The following SCFD2 variants were observed in gnomAD, a reference collection of about 807,000 sequenced individuals.
SCFD2 encodes sec1 family domain-containing protein 2.
In SCFD2, 54 loss-of-function variants were observed where a neutral mutation model predicts 58.9. That is an observed-to-expected ratio of 0.92 (90% confidence interval 0.74 to 1.15). The LOEUF (loss-of-function observed/expected upper bound fraction) is 1.15. Among genes scored for constraint, SCFD2 ranks in the 50% most tolerant of loss-of-function variants. The pLI is 0.00. For synonymous variants in SCFD2, 321 were observed against 335.9 expected (o/e 0.96, Z 0.49); for missense variants, 805 against 836.6 (o/e 0.96, Z 0.47).
intron 5 of SCFD2, among the ~76,000 whole-genome samples, chr4:53,052,243 G>A (rs1208855906): frequency 6.6e-6 from 1 of 152,080 alleles, no homozygotes; most frequent in Non-Finnish European, 1.5e-5. Context: ...TTTAGTGTCT[G>A]GAACTTTGAG....
At chr4:53,078,070 A>C (rs967912212) in intron 5 of SCFD2, among the ~76,000 whole-genome samples, 1 of 152,186 alleles carries the variant, frequency 6.6e-6, no homozygotes, top group Non-Finnish European at 1.5e-5. Context: ...CTCTGGCATG[A>C]TCAACAGGAA....
At chr4:53,262,377 A>G (rs35839788) in intron 4 of SCFD2, among the ~76,000 whole-genome samples, 4,179 of 152,136 alleles carry the variant, frequency 0.027, 94 homozygotes, top group Non-Finnish European at 0.045. Flanking sequence ...AGGAGGTTCT[A>G]TTTTGGTGTA....
At chr4:53,141,360 A>G (rs572204373) in intron 5 of SCFD2, among the ~76,000 whole-genome samples, 1 of 152,350 alleles carries the variant, frequency 6.6e-6, no homozygotes, top group Non-Finnish European at 1.5e-5. Context: ...ACCCAGCTTT[A>G]CGTAACTGCA....
intron 5 of SCFD2, among the ~76,000 whole-genome samples, chr4:52,947,495 T>C (rs1720462679): frequency 6.6e-6 from 1 of 152,164 alleles, no homozygotes; most frequent in African/African-American, 2.4e-5. Flanking sequence ...TGGTTAAGAA[T>C]AACCATGAAA....
chr4:52,966,182 G>A (rs747071624), intron 5 of SCFD2, among the ~76,000 whole-genome samples: 1 of 152,166 alleles, frequency 6.6e-6, no homozygotes, highest in East Asian at 1.9e-4. Context: ...CTTTTTGTTC[G>A]TAAATGCCAG....
intron 4 of SCFD2, among the ~76,000 whole-genome samples, chr4:53,166,870 T>A (rs1054305947): frequency 1.3e-5 from 2 of 151,794 alleles, no homozygotes; most frequent in Non-Finnish European, 2.9e-5. Flanking sequence ...ACTGAATTCT[T>A]TGTAATCTAG....
intron 4 of SCFD2, among the ~76,000 whole-genome samples, chr4:53,167,620 C>A (rs1476897085): frequency 6.6e-6 from 1 of 152,148 alleles, no homozygotes. Context: ...TATAATCCAA[C>A]AAGTGAATCA....
intron 5 of SCFD2, among the ~76,000 whole-genome samples, chr4:53,083,342 C>A (rs1484250662): frequency 6.6e-6 from 1 of 151,928 alleles, no homozygotes; most frequent in Non-Finnish European, 1.5e-5. Flanking sequence ...AAATGAGAAA[C>A]ATCTTATTAA....
intron 4 of SCFD2, among the ~76,000 whole-genome samples, chr4:53,240,961 G>A (rs1300973666): frequency 4.6e-5 from 7 of 152,234 alleles, no homozygotes; most frequent in Non-Finnish European, 1.0e-4. Context: ...CACACTTCTA[G>A]CAGATCTTCA....
intron 7 of SCFD2, among the ~76,000 whole-genome samples, chr4:52,900,173 T>G (rs1309903322): frequency 6.6e-6 from 1 of 152,168 alleles, no homozygotes; most frequent in Non-Finnish European, 1.5e-5. Flanking sequence ...CTCCGTCCAG[T>G]TTTGTTCCGT....
intron 4 of SCFD2, among the ~76,000 whole-genome samples, chr4:53,157,379 G>A (rs1489075465): frequency 6.6e-6 from 1 of 152,172 alleles, no homozygotes; most frequent in African/African-American, 2.4e-5. Flanking sequence ...ATCACTACTT[G>A]TAGAGTTTAG....
intron 4 of SCFD2, among the ~76,000 whole-genome samples, chr4:53,207,824 C>A (rs1728483060): frequency 1.3e-5 from 2 of 150,910 alleles, no homozygotes; most frequent in South Asian, 4.2e-4. Flanking sequence ...CCTCTGCCTT[C>A]CACCATGATT....
intron 4 of SCFD2, among the ~76,000 whole-genome samples, chr4:53,252,689 A>G (rs1442687155): frequency 6.6e-6 from 1 of 152,196 alleles, no homozygotes. Flanking sequence ...CATATGTAGA[A>G]AGCTGAAACT....
chr4:53,163,159 C>T (rs1231529633), intron 4 of SCFD2, among the ~76,000 whole-genome samples: 3 of 152,170 alleles, frequency 2.0e-5, no homozygotes, highest in African/African-American at 7.2e-5. Flanking sequence ...AGAAGCTCTG[C>T]AGGTTAGACC....
intron 5 of SCFD2, among the ~76,000 whole-genome samples, chr4:53,142,256 A>T (rs1410895338): frequency 1.3e-5 from 2 of 152,226 alleles, no homozygotes; most frequent in Non-Finnish European, 2.9e-5. Context: ...GATCTTTCAG[A>T]TATCAACACT....
chr4:53,214,098 T>C (rs1220739408), intron 4 of SCFD2, among the ~76,000 whole-genome samples: 1 of 152,148 alleles, frequency 6.6e-6, no homozygotes, highest in Non-Finnish European at 1.5e-5. Context: ...CTATTGTAAA[T>C]AGTGCCACAG....
chr4:53,020,742 G>T (rs548944280), intron 5 of SCFD2, among the ~76,000 whole-genome samples: 1 of 152,136 alleles, frequency 6.6e-6, no homozygotes, highest in Non-Finnish European at 1.5e-5. Context: ...ATACACCACC[G>T]CCACACAGGG....
chr4:53,323,105 T>C (rs1293551379), intron 2 of SCFD2, among the ~76,000 whole-genome samples: 2 of 152,254 alleles, frequency 1.3e-5, no homozygotes, highest in African/African-American at 4.8e-5. Context: ...TATGCACATT[T>C]GTATGAAGCT....
At chr4:53,029,972 T>C (rs1722575231) in intron 5 of SCFD2, among the ~76,000 whole-genome samples, 2 of 152,214 alleles carry the variant, frequency 1.3e-5, no homozygotes, top group African/African-American at 4.8e-5. Flanking sequence ...CCTTTTAAAT[T>C]GGTAAATTGA....
Sources: gnomAD v4.1 joint callset for allele counts (sites outside exome capture counted in the v4.1 genomes callset) on GRCh38, gnomAD v4.1.1 for gene constraint, MANE v1.5 for transcripts, NCBI Gene and HGNC (gene_info 2026-07-23, HGNC 2026-07-21) for gene names.